The following ADD3 variants were observed in gnomAD, a reference collection of about 807,000 sequenced individuals.
The protein encoded by ADD3 is gamma-adducin.
In ADD3, 25 loss-of-function variants were observed where a neutral mutation model predicts 80.2. The observed-to-expected ratio is 0.31, with a 90% CI of 0.23 to 0.44. The LOEUF is 0.44. Ranked by LOEUF, ADD3 falls within the 20% of genes least tolerant of loss-of-function variation. The pLI is 1.00. For missense variants in ADD3, 829 were observed against 847.5 expected (o/e 0.98, Z 0.27); for synonymous variants, 284 against 289.6 (o/e 0.98, Z 0.20).
upstream of ADD3, among the ~76,000 whole-genome samples, chr10:110,001,709 C>T (rs1325303566): frequency 6.6e-6 from 1 of 152,058 alleles, no homozygotes; most frequent in African/African-American, 2.4e-5. Context: ...ATCCAGGGCC[C>T]CATCCTAAAA....
intron 1 of ADD3, among the ~76,000 whole-genome samples, chr10:110,040,293 C>A (rs1290552384): frequency 1.3e-5 from 2 of 151,908 alleles, no homozygotes; most frequent in Non-Finnish European, 2.9e-5. Flanking sequence ...ATGCAGCTTT[C>A]TTATCAACTT....
intron 1 of ADD3, among the ~76,000 whole-genome samples, chr10:110,093,039 A>G (rs1847742502): frequency 1.3e-5 from 2 of 152,208 alleles, no homozygotes; most frequent in East Asian, 1.9e-4. Context: ...TTACATTTTT[A>G]GTAGAGATGG....
At chr10:110,033,152 G>C (rs2133211979) in intron 1 of ADD3, among the ~76,000 whole-genome samples, 1 of 152,270 alleles carries the variant, frequency 6.6e-6, no homozygotes, top group East Asian at 1.9e-4. Flanking sequence ...CCTGTTGAAT[G>C]GCTTTACAAA....
chr10:110,080,751 A>C (rs1441627340), intron 1 of ADD3, among the ~76,000 whole-genome samples: 1 of 152,244 alleles, frequency 6.6e-6, no homozygotes, highest in Non-Finnish European at 1.5e-5. Context: ...CTGTTTGCAC[A>C]TTCTAGCCCT....
chr10:110,062,053 C>G (rs778295838), intron 1 of ADD3, among the ~76,000 whole-genome samples: 1 of 151,648 alleles, frequency 6.6e-6, no homozygotes, highest in South Asian at 2.1e-4. Context: ...AGGAGGACAC[C>G]CCATCTCTAC....
chr10:110,130,865 A>AG (rs1197528581), intron 13 of ADD3, among the ~76,000 whole-genome samples: 1 of 152,062 alleles, frequency 6.6e-6, no homozygotes, highest in Non-Finnish European at 1.5e-5. Context: ...CAAAAAAAAA[A>AG]AAACAGAAAA....
intron 1 of ADD3, among the ~76,000 whole-genome samples, chr10:110,043,323 T>A (rs973993147): frequency 1.1e-4 from 16 of 152,348 alleles, no homozygotes; most frequent in Non-Finnish European, 2.1e-4. Context: ...TTCTTTTTTT[T>A]AAACAAATCC....
At chr10:110,074,501 C>G (rs1419187588) in intron 1 of ADD3, among the ~76,000 whole-genome samples, 2 of 151,288 alleles carry the variant, frequency 1.3e-5, no homozygotes, top group African/African-American at 4.9e-5. Flanking sequence ...GTGCAGCTGA[C>G]GTTGATTGGA....
chr10:110,066,923 C>T (rs1011805228), intron 1 of ADD3, among the ~76,000 whole-genome samples: 2 of 152,086 alleles, frequency 1.3e-5, no homozygotes, highest in Non-Finnish European at 2.9e-5. Context: ...CCCTCTTTTG[C>T]ACTCTAGCTA....
At chr10:110,089,966 T>C (rs1353715921) in intron 1 of ADD3, among the ~76,000 whole-genome samples, 1 of 152,130 alleles carries the variant, frequency 6.6e-6, no homozygotes, top group Non-Finnish European at 1.5e-5. Flanking sequence ...TACCAGTGAA[T>C]GTTATTTTCA....
intron 2 of ADD3, among the ~76,000 whole-genome samples, chr10:110,106,299 T>C (rs1201777970): frequency 6.6e-6 from 1 of 151,766 alleles, no homozygotes; most frequent in African/African-American, 2.4e-5. Flanking sequence ...TGAGCCAACA[T>C]GGAGTTTTTT....
intron 1 of ADD3, among the ~76,000 whole-genome samples, chr10:110,042,863 A>G (rs1219799397): frequency 6.6e-6 from 1 of 152,116 alleles, no homozygotes; most frequent in East Asian, 1.9e-4. Flanking sequence ...GTACACCCAT[A>G]CCAAGATAAT....
intron 1 of ADD3, among the ~76,000 whole-genome samples, chr10:110,030,275 A>G (rs1475367810): frequency 6.6e-6 from 1 of 150,438 alleles, no homozygotes; most frequent in African/African-American, 2.4e-5. Context: ...GTGAGCCAAG[A>G]TCGCACCATT....
At chr10:109,996,711 G>GTTTA (rs2133657902) in intron 1 of ADD3, among the ~76,000 whole-genome samples, 1 of 152,270 alleles carries the variant, frequency 6.6e-6, no homozygotes, top group African/African-American at 2.4e-5. Context: ...TTAGTCTGAA[G>GTTTA]GTAGAAACTC....
chr10:110,007,143 C>T (rs1297639699), upstream of ADD3, among the ~76,000 whole-genome samples: 1 of 152,150 alleles, frequency 6.6e-6, no homozygotes, highest in Non-Finnish European at 1.5e-5. Flanking sequence ...TTTGCCCGGC[C>T]CCGCATTCAT....
chr10:110,121,408 G>A (rs1851477446), intron 8 of ADD3, among the ~76,000 whole-genome samples: 1 of 152,134 alleles, frequency 6.6e-6, no homozygotes, highest in Non-Finnish European at 1.5e-5. Context: ...GCTTGAACCC[G>A]GGAGGCGAAG....
upstream of ADD3, among the ~76,000 whole-genome samples, chr10:110,003,302 G>GGGGGGTGTGT (rs140966434): frequency 6.8e-6 from 1 of 146,942 alleles, no homozygotes; most frequent in African/African-American, 2.6e-5. Context: ...GAACAGTAAG[G>GGGGGGTGTGT]GTGTGTGTGT....
Position 110,085,216 on chromosome 10 carries a change from A to C in ADD3, c.-29-15409A>C, listed in dbSNP as rs1232060779. Reference sequence around the variant, plus strand: ...TCAGGAAAGAGCCTAGACCTCTTTAAATGCACCCACAAGCTTGCATGGCAG... The same window carrying C: ...TCAGGAAAGAGCCTAGACCTCTTTACATGCACCCACAAGCTTGCATGGCAG... On this transcript the variant is annotated intron_variant, in intron 1 of 14. Coordinates refer to ENST00000356080, the MANE Select transcript of ADD3 (RefSeq NM_016824.5). Among the ~76,000 whole-genome samples, 9 of 152,200 alleles carry C rather than the reference A, an allele frequency of 5.9e-5. No individual in the cohort carries two copies. In the East Asian group the frequency reaches 1.7e-3, roughly 29 times the overall value.
chr10:110,004,986 A>C (rs556268553), upstream of ADD3, among the ~76,000 whole-genome samples: 1 of 152,342 alleles, frequency 6.6e-6, no homozygotes, highest in African/African-American at 2.4e-5. Flanking sequence ...ATTGCCACTG[A>C]AATAGCATTA....
Sources: gnomAD v4.1 joint callset for allele counts (sites outside exome capture counted in the v4.1 genomes callset) on GRCh38, gnomAD v4.1.1 for gene constraint, MANE v1.5 for transcripts, NCBI Gene and HGNC (gene_info 2026-07-23, HGNC 2026-07-21) for gene names.